The following RALYL variants were observed in gnomAD, a reference collection of about 807,000 sequenced individuals.
The protein encoded by RALYL is RALY RNA binding protein like.
Under a neutral mutation model 35.1 loss-of-function variants are expected in RALYL, and 29 were observed. The ratio of observed to expected loss-of-function variants is 0.83; its 90% CI spans 0.61 to 1.13. The LOEUF is 1.13. Ranked by LOEUF, RALYL falls within the 50% of genes most tolerant of loss-of-function variation. The pLI, the probability that RALYL is intolerant of heterozygous loss-of-function variation, is 0.00. For missense variants in RALYL, 359 were observed against 360.4 expected, an observed-to-expected ratio of 1.00 and a Z score of 0.03; for synonymous variants, 120 against 127.6, an observed-to-expected ratio of 0.94 and a Z score of 0.40.
intron 1 of RALYL, among the ~76,000 whole-genome samples, chr8:84,430,907 C>T (rs1035591830): frequency 9.9e-5 from 15 of 152,098 alleles, no homozygotes; most frequent in South Asian, 2.1e-4. Context: ...CCGTCAATGA[C>T]AGAGTGTGAG....
chr8:84,805,458 C>G (rs147483614), intron 4 of RALYL, among the ~76,000 whole-genome samples: 1 of 152,050 alleles, frequency 6.6e-6, no homozygotes, highest in Non-Finnish European at 1.5e-5. Context: ...GGGAGGTGGG[C>G]GGATCACCTG....
At chr8:84,229,351 G>A (rs1223001780) in intron 1 of RALYL, among the ~76,000 whole-genome samples, 2 of 152,170 alleles carry the variant, frequency 1.3e-5, no homozygotes, top group African/African-American at 2.4e-5. Context: ...TTTGAACTGA[G>A]TCTTGAGAAA....
intron 6 of RALYL, among the ~76,000 whole-genome samples, chr8:84,869,008 G>A (rs931733144): frequency 6.7e-5 from 10 of 150,248 alleles, no homozygotes; most frequent in Admixed American, 2.6e-4. Context: ...CTTATTATAG[G>A]ATATTTATAT....
intron 1 of RALYL, among the ~76,000 whole-genome samples, chr8:84,370,434 CCACA>C (rs34035078): frequency 0.013 from 1,931 of 148,326 alleles, 50 homozygotes; most frequent in African/African-American, 0.039. Flanking sequence ...TTACATACAA[CCACA>C]CACACACACA....
intron 2 of RALYL, among the ~76,000 whole-genome samples, chr8:84,627,850 A>G (rs368821302): frequency 6.6e-6 from 1 of 151,870 alleles, no homozygotes; most frequent in East Asian, 2.0e-4. Context: ...TTTAAATTCA[A>G]TCCTTCAATG....
chr8:84,410,991 A>G (rs1349563083), intron 1 of RALYL, among the ~76,000 whole-genome samples: 1 of 151,844 alleles, frequency 6.6e-6, no homozygotes, highest in Non-Finnish European at 1.5e-5. Context: ...TTTCAAAAGC[A>G]CCCAAGATCA....
intron 6 of RALYL, among the ~76,000 whole-genome samples, chr8:84,867,419 T>C (rs1839371561): frequency 6.6e-6 from 1 of 152,234 alleles, no homozygotes; most frequent in African/African-American, 2.4e-5. Flanking sequence ...AAATGTGACA[T>C]CACTACTATT....
intron 1 of RALYL, among the ~76,000 whole-genome samples, chr8:84,297,739 C>T (rs1237554321): frequency 6.6e-6 from 1 of 151,994 alleles, no homozygotes; most frequent in Non-Finnish European, 1.5e-5. Flanking sequence ...TAATAATGGC[C>T]ATTCTGACTG....
chr8:84,335,921 A>T (rs1312382817), intron 1 of RALYL, among the ~76,000 whole-genome samples: 1 of 152,050 alleles, frequency 6.6e-6, no homozygotes, highest in Non-Finnish European at 1.5e-5. Context: ...AAACATTTCC[A>T]GCTCCTGTCC....
chr8:84,319,323 T>C (rs890050112), intron 1 of RALYL, among the ~76,000 whole-genome samples: 2 of 152,178 alleles, frequency 1.3e-5, no homozygotes, highest in African/African-American at 2.4e-5. Context: ...TTAGTGACTA[T>C]AGATGGTAAA....
chr8:84,541,617 G>T (rs147004589), intron 2 of RALYL, among the ~76,000 whole-genome samples: 2,610 of 151,994 alleles, frequency 0.017, 79 homozygotes, highest in African/African-American at 0.059. Flanking sequence ...CTGACCTTCC[G>T]CATCGTTACT....
chr8:84,621,821 G>A (rs368911342), intron 2 of RALYL, among the ~76,000 whole-genome samples: 1 of 152,154 alleles, frequency 6.6e-6, no homozygotes, highest in African/African-American at 2.4e-5. Flanking sequence ...TGATTCTTAT[G>A]AATATGTATA....
intron 2 of RALYL, among the ~76,000 whole-genome samples, chr8:84,731,233 C>G (rs1333024094): frequency 6.6e-6 from 1 of 152,088 alleles, no homozygotes; most frequent in African/African-American, 2.4e-5. Context: ...GAATAGGAGG[C>G]TGAGATCTGT....
intron 2 of RALYL, among the ~76,000 whole-genome samples, chr8:84,712,822 G>A (rs1256507020): frequency 6.6e-6 from 1 of 150,818 alleles, no homozygotes; most frequent in Non-Finnish European, 1.5e-5. Context: ...AAGACACTTA[G>A]GAAAATAAGA....
chr8:84,434,172 A>G (rs1187806811), intron 1 of RALYL, among the ~76,000 whole-genome samples: 1 of 152,032 alleles, frequency 6.6e-6, no homozygotes, highest in Non-Finnish European at 1.5e-5. Context: ...GTATTGTCAC[A>G]TGGCCTTCCC....
intron 2 of RALYL, among the ~76,000 whole-genome samples, chr8:84,678,519 G>A (rs976342665): frequency 1.3e-5 from 2 of 152,058 alleles, no homozygotes; most frequent in African/African-American, 2.4e-5. Context: ...CACCCACCTC[G>A]GCCTCCCAAA....
chr8:84,454,564 C>G (rs904902274), intron 1 of RALYL, among the ~76,000 whole-genome samples: 5 of 152,062 alleles, frequency 3.3e-5, no homozygotes, highest in African/African-American at 1.2e-4. Flanking sequence ...CAAATGGATA[C>G]TACAGTTAAA....
In RALYL at chr8:84,424,881, C is replaced by G. The variant is rs540224766; in HGVS notation, c.-23-104418C>G. Among the ~76,000 whole-genome samples, 145 of 151,834 alleles carry G rather than the reference C, an allele frequency of 9.5e-4. 3 individuals are homozygous for G. In the East Asian group the frequency reaches 0.027, roughly 28 times the overall value. On this transcript the variant is annotated intron_variant, in intron 1 of 8. Coordinates refer to ENST00000521268, the MANE Select transcript of RALYL (RefSeq NM_173848.7). ...CTGCTCGGGGGTCAGGGGTCAGGGA[C>G]CCACTTGAGGAGGCAGTCTGCAGGT...
intron 1 of RALYL, among the ~76,000 whole-genome samples, chr8:84,314,070 G>A (rs911003158): frequency 6.6e-6 from 1 of 152,136 alleles, no homozygotes; most frequent in African/African-American, 2.4e-5. Context: ...CATGGTGGAA[G>A]GTCAAGGGGA....
Sources: allele counts gnomAD v4.1 joint callset (sites outside exome capture counted in the v4.1 genomes callset), GRCh38; gene constraint gnomAD v4.1.1; transcripts MANE v1.5; gene names NCBI Gene and HGNC (gene_info 2026-07-23, HGNC 2026-07-21).